The following PARD3B variants were observed in gnomAD, a reference collection of about 807,000 sequenced individuals.
PARD3B encodes the protein partitioning defective 3 homolog B.
A neutral mutation model predicts 130.2 loss-of-function variants in PARD3B; 103 were observed. That is an observed-to-expected ratio of 0.79 (90% confidence interval 0.67 to 0.93). The LOEUF is 0.93. PARD3B is among the 40% of genes least tolerant of loss of function. PARD3B has a pLI of 0.00. For missense variants in PARD3B, 1,609 were observed against 1,499.2 expected, an observed-to-expected ratio of 1.07 and a Z score of -1.21; for synonymous variants, 583 against 553.2, an observed-to-expected ratio of 1.05 and a Z score of -0.76.
chr2:204,820,070 A>ATTTTTTTTTTTTTT (rs1559170803), intron 2 of PARD3B, among the ~76,000 whole-genome samples: 2 of 86,298 alleles, frequency 2.3e-5, no homozygotes, highest in Admixed American at 1.3e-4. Flanking sequence ...TAAACAATAG[A>ATTTTTTTTTTTTTT]CTTTTTTTTT....
intron 4 of PARD3B, among the ~76,000 whole-genome samples, chr2:205,077,418 C>CT (rs1289965603): frequency 3.3e-5 from 5 of 152,076 alleles, no homozygotes; most frequent in Admixed American, 1.3e-4. Flanking sequence ...GAACTTGGGT[C>CT]TAGAATAAAA....
In PARD3B at chr2:204,887,794, C is replaced by T. The variant is rs1465107103; in HGVS notation, c.223-77358C>T. On this transcript the variant is annotated intron_variant, in intron 2 of 22. Coordinates refer to ENST00000406610, the MANE Select transcript of PARD3B (RefSeq NM_001302769.2). The surrounding 1 kb of genome is among the most constrained non-coding windows in gnomAD (Gnocchi z 4.2). ...AAAACCAAATAGCGATACAAGGCAACCCTACCAGAGGCATACGACCAGACA... is the reference window on the plus strand; with the variant it reads ...AAAACCAAATAGCGATACAAGGCAATCCTACCAGAGGCATACGACCAGACA... 5.3e-5 allele frequency among the ~76,000 whole-genome samples: 8 copies of T among 152,060 alleles called. No individual in the cohort carries two copies. The highest frequency in any genetic ancestry group is 1.9e-4 in the African/African-American group (8 of 41,402).
chr2:204,853,422 A>G (rs573652106), intron 2 of PARD3B, among the ~76,000 whole-genome samples: 177 of 152,294 alleles, frequency 1.2e-3, no homozygotes, highest in Non-Finnish European at 2.1e-3. Context: ...TGAAGACAGA[A>G]TGATGGGCTG....
rs182900299 is a variant in PARD3B at position 205,308,269 on chromosome 2, G to A, written c.2630+6568G>A. On this transcript the variant is annotated intron_variant, in intron 18 of 22. Coordinates refer to ENST00000406610, the MANE Select transcript of PARD3B (RefSeq NM_001302769.2). ...CAGCACTTTTCCTGTCTTAATAAAG[G>A]AAGGAAGGATAAAAACTTTTGAGTT... Among the ~76,000 whole-genome samples the A allele has an allele frequency of 1.9e-3, 283 of 152,194 alleles. 1 individual carries two copies. The highest frequency in any genetic ancestry group is 0.017 in the Middle Eastern group (5 of 294).
intron 2 of PARD3B, among the ~76,000 whole-genome samples, chr2:204,849,258 A>AG (rs1463969145): frequency 6.6e-6 from 1 of 152,118 alleles, no homozygotes; most frequent in East Asian, 1.9e-4. Flanking sequence ...TAGGACATAC[A>AG]GGACATACAG....
rs575711406 is a variant in PARD3B at position 205,288,188 on chromosome 2, TGCCC to T, written c.2186-12341_2186-12338del. On this transcript the variant is annotated intron_variant, in intron 16 of 22. Coordinates refer to ENST00000406610, the MANE Select transcript of PARD3B (RefSeq NM_001302769.2). This position sits in a 1 kb window ranked among gnomAD's most constrained non-coding sequence, Gnocchi z 4.0. ...GAGGAAGCCTAGGGGTAGCAGGCAG[TGCCC>T]CCTGTCCCGTCCACCCAGACACATA... Among the ~76,000 whole-genome samples, 332 of 152,204 alleles carry T rather than the reference TGCCC, an allele frequency of 2.2e-3. 1 individual carries two copies. Among genetic ancestry groups the T allele is most frequent in the Non-Finnish European group, 3.8e-3 (258 of 67,996 alleles).
intron 2 of PARD3B, among the ~76,000 whole-genome samples, chr2:204,784,259 T>C (rs1050018534): frequency 8.5e-5 from 13 of 152,222 alleles, no homozygotes; most frequent in Admixed American, 6.5e-4. Flanking sequence ...ACAGGCCTTC[T>C]TCACAGAGTT....
At position 204,785,991 on chromosome 2, in the gene PARD3B, G is replaced by A. The variant is rs955134763; in HGVS notation, c.222+99709G>A. On this transcript the variant is annotated intron_variant, in intron 2 of 22. Coordinates refer to ENST00000406610, the MANE Select transcript of PARD3B (RefSeq NM_001302769.2). ...TAGCTGGGCGTAGGGGTGGGTGCCT[G>A]TAATCCCAGCCACTCAGGAGGCTGT... Among the ~76,000 whole-genome samples, 4 of 151,900 alleles carry A rather than the reference G, an allele frequency of 2.6e-5. No homozygotes were observed. The East Asian group carries it at 7.8e-4, about 30-fold the overall frequency.
At chr2:205,490,781 C>T (rs1386057903) in intron 20 of PARD3B, among the ~76,000 whole-genome samples, 1 of 152,154 alleles carries the variant, frequency 6.6e-6, no homozygotes, top group African/African-American at 2.4e-5. Flanking sequence ...CTGTTGTTTC[C>T]TGACTTTTTA....
At chr2:205,374,585 G>C (rs1001109345) in intron 18 of PARD3B, among the ~76,000 whole-genome samples, 2 of 151,860 alleles carry the variant, frequency 1.3e-5, no homozygotes, top group Admixed American at 6.6e-5. Context: ...TATATATTTT[G>C]CCTGGCTTTA....
At chr2:204,977,960 G>A (rs1692336391) in intron 3 of PARD3B, among the ~76,000 whole-genome samples, 1 of 152,150 alleles carries the variant, frequency 6.6e-6, no homozygotes, top group Non-Finnish European at 1.5e-5. Flanking sequence ...CCTATGGATG[G>A]CAAGTGCAGC....
At chr2:205,401,920 A>T (rs2106016666) in intron 19 of PARD3B, among the ~76,000 whole-genome samples, 1 of 152,320 alleles carries the variant, frequency 6.6e-6, no homozygotes, top group East Asian at 1.9e-4. Flanking sequence ...TCGTGTATGT[A>T]CTCAGATTTA....
intron 5 of PARD3B, among the ~76,000 whole-genome samples, chr2:205,108,445 CCTTT>C (rs1044386676): frequency 3.3e-5 from 5 of 152,060 alleles, no homozygotes; most frequent in African/African-American, 1.2e-4. Context: ...GTACACAGCA[CCTTT>C]CTTTGTTTCC....
At chr2:205,175,764 G>C (rs758781065) in intron 12 of PARD3B, among the ~76,000 whole-genome samples, 1 of 152,190 alleles carries the variant, frequency 6.6e-6, no homozygotes, top group African/African-American at 2.4e-5. Context: ...TCTATCATCA[G>C]CCTCCTCCAA....
chr2:205,156,350 C>G (rs1371642929), intron 10 of PARD3B, among the ~76,000 whole-genome samples: 1 of 151,200 alleles, frequency 6.6e-6, no homozygotes, highest in African/African-American at 2.4e-5. Flanking sequence ...CAGCATGGCA[C>G]ATGTATACAT....
At chr2:204,725,385 A>ATAAT (rs1180249869) in intron 2 of PARD3B, among the ~76,000 whole-genome samples, 9 of 152,352 alleles carry the variant, frequency 5.9e-5, no homozygotes, top group Non-Finnish European at 1.3e-4. Context: ...ACCAGAAAAT[A>ATAAT]TGATTAATGT....
chr2:205,025,986 T>A (rs2125346498), intron 3 of PARD3B, among the ~76,000 whole-genome samples: 1 of 152,298 alleles, frequency 6.6e-6, no homozygotes, highest in East Asian at 1.9e-4. Flanking sequence ...AACAAACATT[T>A]ATACAGCCCG....
intron 19 of PARD3B, among the ~76,000 whole-genome samples, chr2:205,438,883 T>C (rs772862526): frequency 6.6e-5 from 10 of 152,198 alleles, no homozygotes; most frequent in Non-Finnish European, 1.5e-4. Flanking sequence ...TTTCATCTGT[T>C]GTAACTTGAG....
At chr2:204,803,163 A>AATATATAT (rs1553528189) in intron 2 of PARD3B, among the ~76,000 whole-genome samples, 24 of 90,720 alleles carry the variant, frequency 2.6e-4, no homozygotes, top group Non-Finnish European at 3.4e-4. Flanking sequence ...AAAAAAAAAA[A>AATATATAT]ATATATATAT....
Sources: allele counts gnomAD v4.1 joint callset (sites outside exome capture counted in the v4.1 genomes callset), GRCh38; gene constraint gnomAD v4.1.1; non-coding constraint Gnocchi (gnomAD v3.1); transcripts MANE v1.5; gene names NCBI Gene and HGNC (gene_info 2026-07-23, HGNC 2026-07-21).